The following CHRM5 variants were observed in gnomAD, a reference collection of about 807,000 sequenced individuals.
CHRM5 encodes muscarinic acetylcholine receptor M5.
In CHRM5, 18 loss-of-function variants were observed where a neutral mutation model predicts 39.0. That is an observed-to-expected ratio of 0.46 (90% CI 0.32 to 0.68). CHRM5 has a LOEUF of 0.68. CHRM5 is among the 30% of genes least tolerant of loss of function. The pLI, the probability that CHRM5 is intolerant of heterozygous loss-of-function variation, is 0.04. For missense variants in CHRM5, 515 were observed against 651.1 expected (o/e 0.79, Z 2.28); for synonymous variants, 241 against 246.3 (o/e 0.98, Z 0.20).
At position 34,039,633 on chromosome 15, in the gene CHRM5, A is replaced by G. The variant is rs1276564919; in HGVS notation, c.-407-6907A>G. Among the ~76,000 whole-genome samples the G allele has an allele frequency of 3.3e-5, 5 of 152,172 alleles. No individual in the cohort carries two copies. The South Asian group carries it at 8.3e-4, about 25-fold the overall frequency. On this transcript the variant is annotated intron_variant, in intron 1 of 2. Transcript: ENST00000383263. ...AGAGTTTGTGTCTGGTGAGAGGTGG[A>G]CTGCAGCACGTGGGAGAGAGAACAG...
chr15:34,010,880 T>C (rs935705389), intron 1 of CHRM5, among the ~76,000 whole-genome samples: 1 of 152,246 alleles, frequency 6.6e-6, no homozygotes, highest in Non-Finnish European at 1.5e-5. Context: ...TTTGTAAACC[T>C]ATTAAGGTCA....
intron 1 of CHRM5, among the ~76,000 whole-genome samples, chr15:33,999,791 C>T (rs548902751): frequency 2.6e-5 from 4 of 152,232 alleles, no homozygotes; most frequent in African/African-American, 4.8e-5. Context: ...CTAGTCTACC[C>T]GCTCCCCTCT....
At chr15:33,981,613 A>C (rs1201342162) in intron 1 of CHRM5, among the ~76,000 whole-genome samples, 10 of 152,178 alleles carry the variant, frequency 6.6e-5, no homozygotes, top group African/African-American at 2.4e-4. Flanking sequence ...AGGGGGCGAG[A>C]GTGCAATATA....
chr15:34,019,921 A>G (rs561337233), intron 1 of CHRM5, among the ~76,000 whole-genome samples: 2 of 152,366 alleles, frequency 1.3e-5, no homozygotes, highest in South Asian at 4.1e-4. Flanking sequence ...TAGAATTGCA[A>G]AGTCTTAAGC....
chr15:34,055,598 A>G (rs1438687576), intron 2 of CHRM5, among the ~76,000 whole-genome samples: 3 of 151,950 alleles, frequency 2.0e-5, no homozygotes, highest in Admixed American at 6.6e-5. Context: ...TCAGGAGATC[A>G]AGACCATCCT....
chr15:33,986,461 C>G (rs998953043), intron 1 of CHRM5, among the ~76,000 whole-genome samples: 21 of 151,974 alleles, frequency 1.4e-4, no homozygotes, highest in African/African-American at 4.6e-4. Flanking sequence ...GACTCTACAA[C>G]TACAGAATTT....
Position 34,053,315 on chromosome 15 carries a change from A to T in CHRM5, c.-76+6444A>T, listed in dbSNP as rs1261676639. ...ACTCCATCTCAAAAAAAAAAAAAAA[A>T]AAAAATATATATATATATATATATA... On this transcript the variant is annotated intron_variant, in intron 2 of 2. Transcript: ENST00000383263. Among the ~76,000 whole-genome samples the T allele has an allele frequency of 3.0e-3, 260 of 87,218 alleles. 2 individuals carry two copies. The highest frequency in any genetic ancestry group is 0.01 in the African/African-American group (217 of 21,680). 57.2% of individuals were successfully genotyped at this position (87,218 alleles called of 152,430 possible). A position where few individuals can be genotyped will look rare whatever the true frequency, so the allele number is the denominator to read the frequency against.
intron 1 of CHRM5, among the ~76,000 whole-genome samples, chr15:34,021,499 G>T (rs1172177025): frequency 6.6e-6 from 1 of 151,964 alleles, no homozygotes; most frequent in Admixed American, 6.6e-5. Context: ...TGGTCAGGCT[G>T]GTCTGGAACT....
chr15:34,054,940 C>G (rs1451352785), intron 2 of CHRM5, among the ~76,000 whole-genome samples: 1 of 152,202 alleles, frequency 6.6e-6, no homozygotes, highest in East Asian at 1.9e-4. Flanking sequence ...CACCTGTAAT[C>G]CCAGCACTTT....
At chr15:33,997,096 A>G (rs1896967033) in intron 1 of CHRM5, among the ~76,000 whole-genome samples, 1 of 152,260 alleles carries the variant, frequency 6.6e-6, no homozygotes, top group African/African-American at 2.4e-5. Context: ...AAGCAAAATT[A>G]GAACTTCTAG....
At chr15:33,969,672 C>A (rs765505362) in intron 1 of CHRM5, among the ~76,000 whole-genome samples, 2 of 152,042 alleles carry the variant, frequency 1.3e-5, no homozygotes, top group African/African-American at 4.8e-5. Context: ...TCTACTAAAT[C>A]GAGGTATAAC....
At chr15:34,029,983 G>A (rs1282856687) in intron 1 of CHRM5, among the ~76,000 whole-genome samples, 1 of 152,094 alleles carries the variant, frequency 6.6e-6, no homozygotes, top group African/African-American at 2.4e-5. Context: ...GCCGAGCATG[G>A]TGACTCACAC....
At position 34,038,661 on chromosome 15, in the gene CHRM5, G is replaced by GGCGCCA. The variant is rs1245500660; in HGVS notation, c.-407-7874_-407-7873insAGCGCC. 1,854 of 988,900 alleles carry GGCGCCA rather than the reference G, an allele frequency of 1.9e-3. 7 individuals carry two copies. The highest frequency in any genetic ancestry group is 6.3e-3 in the Middle Eastern group (14 of 2,238). 61.3% of individuals were successfully genotyped at this position (988,900 alleles called of 1,614,324 possible). A position where few individuals can be genotyped will look rare whatever the true frequency, so the allele number is the denominator to read the frequency against. ...CATCCGCCCGTCCCGCGCAGGCGCCGGCGCCGCCGCCCGTCTGGCGCGCGC... is the reference window on the plus strand; with the variant it reads ...CATCCGCCCGTCCCGCGCAGGCGCCGGCGCCAGCGCCGCCGCCCGTCTGGCGCGCGC... On this transcript the variant is annotated intron_variant, in intron 1 of 2. Transcript: ENST00000383263.
chr15:33,990,182 C>A (rs966917641), intron 1 of CHRM5, among the ~76,000 whole-genome samples: 17 of 151,346 alleles, frequency 1.1e-4, no homozygotes, highest in African/African-American at 3.4e-4. Flanking sequence ...CCAGACTGGG[C>A]AACAGGGTGA....
chr15:33,995,987 G>A lies in CHRM5; in HGVS notation c.-408+26837G>A, dbSNP rs143232183. On this transcript the variant is annotated intron_variant, in intron 1 of 2. Coordinates refer to ENST00000383263, the MANE Select transcript of CHRM5 (RefSeq NM_012125.4). The stretch of plus-strand genomic sequence containing the variant: ...CTGGACACTTCCGCCCAAATACTGC[G>A]CTTTTCCAACAGTCTTAGCAAATGG... Among the ~76,000 whole-genome samples, 893 of 150,880 alleles carry A rather than the reference G, an allele frequency of 5.9e-3. 21 individuals carry two copies. Among genetic ancestry groups the A allele is most frequent in the Admixed American group, 0.043 (644 of 15,122 alleles).
intron 1 of CHRM5, among the ~76,000 whole-genome samples, chr15:34,019,082 G>A (rs1408430231): frequency 1.3e-5 from 2 of 151,886 alleles, no homozygotes; most frequent in East Asian, 3.9e-4. Context: ...CAATCCTTTA[G>A]CTAGACACAG....
At chr15:34,041,785 TAAGA>T (rs1475506503) in intron 1 of CHRM5, among the ~76,000 whole-genome samples, 1 of 152,174 alleles carries the variant, frequency 6.6e-6, no homozygotes, top group Non-Finnish European at 1.5e-5. Context: ...ATTTTACAGA[TAAGA>T]AAACTGAGTT....
At position 34,063,887 on chromosome 15, in the gene CHRM5, C is replaced by T. The variant is rs1567494866; in HGVS notation, c.1170C>T (p.Asn390=). ...KFRLVVKADG[N]QETNNGCHKV... ...GATTGGTGGTAAAAGCTGACGGGAACCAGGAGACCAACAATGGCTGTCACA... is the reference window on the plus strand; with the variant it reads ...GATTGGTGGTAAAAGCTGACGGGAATCAGGAGACCAACAATGGCTGTCACA... The change falls in exon 3 of 3, where the codon AAC becomes AAT. Residue 390 remains asparagine, a synonymous_variant. Coordinates refer to ENST00000383263, the MANE Select transcript of CHRM5 (RefSeq NM_012125.4). This position sits in a 1 kb window ranked among gnomAD's most constrained non-coding sequence, Gnocchi z 4.1. 1.9e-6 allele frequency: 3 copies of T among 1,614,164 alleles called. No homozygotes were observed. Among genetic ancestry groups the T allele is most frequent in the Non-Finnish European group, 2.5e-6 (3 of 1,180,028 alleles).
chr15:33,985,206 A>AAGAC (rs1325811196), intron 1 of CHRM5, among the ~76,000 whole-genome samples: 2 of 152,012 alleles, frequency 1.3e-5, no homozygotes, highest in African/African-American at 4.8e-5. Flanking sequence ...GTGCTAGCAG[A>AAGAC]AGACATGAGA....
Sources: allele counts gnomAD v4.1 joint callset (sites outside exome capture counted in the v4.1 genomes callset), GRCh38; gene constraint gnomAD v4.1.1; non-coding constraint Gnocchi (gnomAD v3.1); transcripts MANE v1.5; gene names NCBI Gene and HGNC (gene_info 2026-07-23, HGNC 2026-07-21).